The following HDAC4 variants were observed in gnomAD, a reference collection of about 807,000 sequenced individuals.
HDAC4 encodes the protein histone deacetylase A.
Under a neutral mutation model 135.1 loss-of-function variants are expected in HDAC4, and 16 were observed. That is an observed-to-expected ratio of 0.12 (90% CI 0.08 to 0.18). The LOEUF is 0.18. HDAC4 is among the 10% of genes least tolerant of loss of function. The pLI is 1.00. For synonymous variants in HDAC4, 685 were observed against 653.4 expected (o/e 1.05, Z -0.74); for missense variants, 1,143 against 1,511.8 (o/e 0.76, Z 4.05).
In HDAC4 at chr2:239,139,846, G is replaced by T. The variant is rs745831960; in HGVS notation, c.866-50C>A. 1.3e-6 allele frequency: 2 copies of T among 1,531,384 alleles called. No homozygotes were observed. The highest frequency in any genetic ancestry group is 1.1e-5 in the South Asian group (1 of 89,436). 94.9% of individuals were successfully genotyped at this position (1,531,384 alleles called of 1,614,324 possible). On this transcript the variant is annotated intron_variant, in intron 8 of 26. Transcript: ENST00000543185. This position sits in a 1 kb window ranked among gnomAD's most constrained non-coding sequence, Gnocchi z 5.3. ...GAGTGTTACTCCATGCGGAGGGAGG[G>T]CCGTGCTGACCTGTGGCCCGAATGC...
At chr2:239,350,187 T>C (rs966743253) in intron 2 of HDAC4, among the ~76,000 whole-genome samples, 1 of 151,616 alleles carries the variant, frequency 6.6e-6, no homozygotes, top group African/African-American at 2.4e-5. Flanking sequence ...AAGCTCTCGG[T>C]CAAAGAAACA....
intron 16 of HDAC4, among the ~76,000 whole-genome samples, chr2:239,099,429 C>T (rs947235016): frequency 6.6e-6 from 1 of 152,224 alleles, no homozygotes; most frequent in East Asian, 1.9e-4. Flanking sequence ...CCGGTGACAT[C>T]GAGGCAAAGA....
At chr2:239,114,939 A>T in intron 13 of HDAC4, 114 bp downstream of exon 13, 1 of 1,269,712 alleles carries the variant, frequency 7.9e-7, no homozygotes, top group Non-Finnish European at 1.1e-6. Context: ...GACACTGGAC[A>T]GTGACCGCGC....
At chr2:239,300,487 T>C (rs1360196963) in intron 2 of HDAC4, among the ~76,000 whole-genome samples, 1 of 152,190 alleles carries the variant, frequency 6.6e-6, no homozygotes, top group Non-Finnish European at 1.5e-5. Context: ...ATTTCCGCCA[T>C]CGCAGAAAGT....
intron 12 of HDAC4, among the ~76,000 whole-genome samples, chr2:239,116,992 C>T (rs908693347): frequency 2.6e-5 from 4 of 152,220 alleles, no homozygotes; most frequent in Non-Finnish European, 4.4e-5. Context: ...ATCTTTCCTG[C>T]AGTCTGCAGT....
At chr2:239,132,464 G>T (rs1005538330) in intron 11 of HDAC4, among the ~76,000 whole-genome samples, 9 of 152,188 alleles carry the variant, frequency 5.9e-5, no homozygotes, top group African/African-American at 1.9e-4. Context: ...GGACTGGAGG[G>T]GCTTGCTGGG....
At chr2:239,058,205 G>A (rs757298446) in intron 24 of HDAC4, among the ~76,000 whole-genome samples, 2 of 152,170 alleles carry the variant, frequency 1.3e-5, no homozygotes, top group African/African-American at 4.8e-5. Flanking sequence ...TGCTCCAATT[G>A]TTAAAGATGA....
At chr2:239,186,082 G>C (rs992176240) in intron 4 of HDAC4, among the ~76,000 whole-genome samples, 1 of 151,864 alleles carries the variant, frequency 6.6e-6, no homozygotes, top group Admixed American at 6.6e-5. Context: ...GAACTTCCAC[G>C]CTTACCTGGG....
intron 6 of HDAC4, among the ~76,000 whole-genome samples, chr2:239,163,236 C>T (rs780690193): frequency 6.6e-6 from 1 of 152,162 alleles, no homozygotes; most frequent in Non-Finnish European, 1.5e-5. Flanking sequence ...TCCTGACTAG[C>T]CTAAGAATTA....
At chr2:239,334,622 T>C (rs1273386395) in intron 2 of HDAC4, among the ~76,000 whole-genome samples, 1 of 152,174 alleles carries the variant, frequency 6.6e-6, no homozygotes, top group Non-Finnish European at 1.5e-5. Flanking sequence ...AGACGTAGCA[T>C]ATTCGTAGAT....
chr2:239,354,007 C>G (rs1350725709), intron 1 of HDAC4, among the ~76,000 whole-genome samples: 1 of 152,174 alleles, frequency 6.6e-6, no homozygotes, highest in Non-Finnish European at 1.5e-5. Flanking sequence ...TTTTCATTTT[C>G]TGCTTATAAA....
rs1403912004 is a variant in HDAC4, at chr2:239,156,520, G to C, written c.733+132C>G. On this transcript the variant is annotated intron_variant, in intron 7 of 26. Transcript: ENST00000543185. ...CTTTTAAAAACGATGCTCTATGAAAGGAGAAAATATTTAAAAATCTGCAGG... is the reference window on the plus strand; with the variant it reads ...CTTTTAAAAACGATGCTCTATGAAACGAGAAAATATTTAAAAATCTGCAGG... 222 of 1,106,470 alleles carry C rather than the reference G, an allele frequency of 2.0e-4. No individual in the cohort carries two copies. In the East Asian group the frequency reaches 5.2e-3, roughly 26 times the overall value. 68.5% of individuals were successfully genotyped at this position (1,106,470 alleles called of 1,614,324 possible).
intron 1 of HDAC4, among the ~76,000 whole-genome samples, chr2:239,378,527 G>A (rs1240190896): frequency 6.6e-6 from 1 of 152,100 alleles, no homozygotes; most frequent in African/African-American, 2.4e-5. Flanking sequence ...ATATCCAGAG[G>A]TCCCTGTCCT....
At chr2:239,066,250 T>C (rs1427185290) in intron 24 of HDAC4, among the ~76,000 whole-genome samples, 1 of 152,182 alleles carries the variant, frequency 6.6e-6, no homozygotes, top group African/African-American at 2.4e-5. Flanking sequence ...CAGGGAGCCC[T>C]GTCCCTGGGG....
intron 2 of HDAC4, among the ~76,000 whole-genome samples, chr2:239,264,283 T>C (rs963570406): frequency 3.3e-5 from 5 of 152,200 alleles, no homozygotes; most frequent in African/African-American, 1.2e-4. Flanking sequence ...GCCTGCCAGG[T>C]TCCATTCAGC....
chr2:239,138,165 G>A (rs2041103369), intron 9 of HDAC4, among the ~76,000 whole-genome samples: 1 of 152,210 alleles, frequency 6.6e-6, no homozygotes, highest in Non-Finnish European at 1.5e-5. Context: ...ACAGAGGACT[G>A]TTAAAACTTC....
At chr2:239,242,175 AAGAG>A (rs910551226) in intron 2 of HDAC4, among the ~76,000 whole-genome samples, 17 of 144,388 alleles carry the variant, frequency 1.2e-4, no homozygotes, top group East Asian at 2.2e-4. Context: ...AAGAGAAAGA[AAGAG>A]AGAGAGAGAA....
At chr2:239,209,987 G>A (rs1296668962) in intron 3 of HDAC4, among the ~76,000 whole-genome samples, 1 of 152,164 alleles carries the variant, frequency 6.6e-6, no homozygotes, top group Non-Finnish European at 1.5e-5. Context: ...AGGGAGCGGG[G>A]GCGTGGGAGC....
intron 2 of HDAC4, among the ~76,000 whole-genome samples, chr2:239,251,050 G>A (rs535381599): frequency 2.0e-5 from 3 of 152,352 alleles, no homozygotes; most frequent in South Asian, 4.1e-4. Flanking sequence ...TGTGGGCGCC[G>A]TCAGCTCCCT....
Sources: gnomAD v4.1 joint callset for allele counts (sites outside exome capture counted in the v4.1 genomes callset) on GRCh38, gnomAD v4.1.1 for gene constraint, Gnocchi (gnomAD v3.1) non-coding constraint, MANE v1.5 for transcripts, NCBI Gene and HGNC (gene_info 2026-07-23, HGNC 2026-07-21) for gene names.